BANK1: variants seen among roughly 807,000 people sequenced by gnomAD.
BANK1 encodes B cell scaffold protein with ankyrin repeats 1, also known as B-cell scaffold protein with ankyrin repeats.
Under a neutral mutation model 94.5 loss-of-function variants are expected in BANK1, and 95 were observed. The observed-to-expected ratio is 1.00, with a 90% CI of 0.85 to 1.19. BANK1 has a LOEUF of 1.19. Ranked by LOEUF, BANK1 falls within the 50% of genes most tolerant of loss-of-function variation. The pLI is 0.00. For missense variants in BANK1, 987 were observed against 932.2 expected, an observed-to-expected ratio of 1.06 and a Z score of -0.77; for synonymous variants, 334 against 308.4, an observed-to-expected ratio of 1.08 and a Z score of -0.87.
intron 7 of BANK1, among the ~76,000 whole-genome samples, chr4:101,979,861 T>C (rs1725270208): frequency 6.6e-6 from 1 of 152,022 alleles, no homozygotes; most frequent in South Asian, 2.1e-4. Context: ...TTTGCCATTT[T>C]TTATGGGAGT....
At chr4:101,964,770 T>G (rs995658364) in intron 7 of BANK1, among the ~76,000 whole-genome samples, 1 of 151,828 alleles carries the variant, frequency 6.6e-6, no homozygotes, top group African/African-American at 2.4e-5. Context: ...TTCTTTTTTA[T>G]TATTATTATT....
intron 13 of BANK1, among the ~76,000 whole-genome samples, chr4:102,065,606 G>A (rs1483246042): frequency 6.6e-6 from 1 of 151,976 alleles, no homozygotes; most frequent in African/African-American, 2.4e-5. Flanking sequence ...CTGAGATGTT[G>A]GATGTTGTTG....
chr4:101,966,838 C>T (rs1438166497), intron 7 of BANK1, among the ~76,000 whole-genome samples: 1 of 151,990 alleles, frequency 6.6e-6, no homozygotes, highest in Non-Finnish European at 1.5e-5. Context: ...GTTGGTAACA[C>T]CTGGATTTCA....
chr4:101,919,219 C>T (rs62322688), intron 7 of BANK1, among the ~76,000 whole-genome samples: 10,023 of 151,936 alleles, frequency 0.066, 567 homozygotes, highest in East Asian at 0.19. Context: ...TTTTAGTTGC[C>T]TGTCTTTAAC....
intron 7 of BANK1, among the ~76,000 whole-genome samples, chr4:102,013,202 G>A (rs1335602084): frequency 1.3e-5 from 2 of 152,066 alleles, no homozygotes; most frequent in African/African-American, 4.8e-5. Context: ...ATAGATTCGT[G>A]TATTGAGCCA....
At chr4:101,999,528 TA>T (rs1457420576) in intron 7 of BANK1, among the ~76,000 whole-genome samples, 1 of 152,242 alleles carries the variant, frequency 6.6e-6, no homozygotes, top group Non-Finnish European at 1.5e-5. Context: ...AGTTTAGATT[TA>T]TTCATTTACT....
intron 11 of BANK1, among the ~76,000 whole-genome samples, chr4:102,053,119 A>G (rs1211250825): frequency 2.0e-5 from 3 of 152,314 alleles, no homozygotes; most frequent in East Asian, 1.9e-4. Context: ...CAGTACATGG[A>G]AAGACCGAAA....
intron 1 of BANK1, among the ~76,000 whole-genome samples, chr4:101,811,007 A>T (rs576708654): frequency 6.6e-6 from 1 of 152,190 alleles, no homozygotes; most frequent in Non-Finnish European, 1.5e-5. Context: ...ATGAGGGATC[A>T]GTATCTCCAT....
chr4:101,901,497 A>G (rs10212686), intron 6 of BANK1, among the ~76,000 whole-genome samples: 139,020 of 152,252 alleles, frequency 0.91, 63,747 homozygotes, highest in Non-Finnish European at 0.95. Flanking sequence ...TCCAGAGTTT[A>G]TATCAGATAA....
intron 1 of BANK1, among the ~76,000 whole-genome samples, chr4:101,822,928 T>TATCC (rs908738848): frequency 2.0e-5 from 3 of 152,174 alleles, no homozygotes; most frequent in African/African-American, 4.8e-5. Context: ...ACATTTTCTT[T>TATCC]ATCCAGCCTA....
Position 101,870,655 on chromosome 4 carries a change from C to A in BANK1, c.903+11C>A, listed in dbSNP as rs1482945637. 4 of 1,606,176 alleles carry A rather than the reference C, an allele frequency of 2.5e-6. No homozygotes were observed. The highest frequency in any genetic ancestry group is 3.4e-6 in the Non-Finnish European group (4 of 1,176,854). On this transcript the variant is annotated intron_variant, in intron 5 of 16. Transcript: ENST00000322953. ...GAGAGTTTGTGCCAGGTAAGTTAAT[C>A]TTTCCACGAAGTTAATCATAATGTA... is the stretch of plus-strand genomic sequence containing the variant.
At chr4:101,960,085 AG>A (rs1264633741) in intron 7 of BANK1, among the ~76,000 whole-genome samples, 2 of 152,330 alleles carry the variant, frequency 1.3e-5, no homozygotes, top group East Asian at 3.9e-4. Flanking sequence ...AGGCAGATCT[AG>A]AAATAAAACC....
intron 13 of BANK1, among the ~76,000 whole-genome samples, chr4:102,064,227 A>T (rs1285788916): frequency 6.6e-6 from 1 of 152,148 alleles, no homozygotes; most frequent in African/African-American, 2.4e-5. Context: ...CATATTATAC[A>T]GTTATCTTTT....
At position 101,855,154 on chromosome 4, in the gene BANK1, C is replaced by A. The variant is rs1388835597; in HGVS notation, c.589C>A (p.Leu197Ile). 6.2e-7 allele frequency: 1 copy of A among 1,613,280 alleles called. No homozygotes were observed. Among genetic ancestry groups the A allele is most frequent in the Non-Finnish European group, 8.5e-7 (1 of 1,179,560 alleles). Residue 197 changes from leucine (L) to isoleucine (I), a missense_variant, in exon 3 of 17, where the codon CTA becomes ATA. By Grantham distance (5) the Leu-to-Ile change is conservative (BLOSUM62 2). Coordinates refer to ENST00000322953, the MANE Select transcript of BANK1 (RefSeq NM_017935.5). ...LSEASRNTIP[L>I]AVVLPTEIPC... ...AGAAGCTTCAAGAAACACCATACCA[C>A]TAGCAGTGGTGCTTCCCACTGAAAT...
chr4:102,069,853 G>A (rs903485890), intron 13 of BANK1, among the ~76,000 whole-genome samples: 1 of 152,112 alleles, frequency 6.6e-6, no homozygotes, highest in Non-Finnish European at 1.5e-5. Flanking sequence ...CTGAGTGAAA[G>A]ATAACAGATA....
At chr4:102,016,290 T>C (rs1220380415) in intron 7 of BANK1, among the ~76,000 whole-genome samples, 1 of 152,208 alleles carries the variant, frequency 6.6e-6, no homozygotes, top group South Asian at 2.1e-4. Flanking sequence ...TTATAAAATA[T>C]TGGAAGTTGG....
chr4:101,830,244 G>T lies in BANK1; in HGVS notation c.469+38G>T, dbSNP rs201603698. The T allele has an allele frequency of 2.6e-4, 338 of 1,286,278 alleles. 1 individual carries two copies. In the African/African-American group the frequency reaches 3.0e-3, roughly 11 times the overall value. 79.7% of individuals were successfully genotyped at this position (1,286,278 alleles called of 1,614,324 possible). A position where few individuals can be genotyped will look rare whatever the true frequency, so the allele number is the denominator to read the frequency against. The stretch of plus-strand genomic sequence containing the variant: ...AACCTTGTTTGTTTTATTTTTATTT[G>T]TTTTTTTTTTTTTGTAATTAAAGAA... On this transcript the variant is annotated intron_variant, in intron 2 of 16. Transcript: ENST00000322953.
intron 1 of BANK1, among the ~76,000 whole-genome samples, chr4:101,803,726 G>A (rs944295737): frequency 2.0e-5 from 3 of 151,860 alleles, no homozygotes; most frequent in Admixed American, 1.3e-4. Flanking sequence ...GGCCGGGCGC[G>A]GTGGCTCACG....
intron 10 of BANK1, among the ~76,000 whole-genome samples, chr4:102,037,398 G>A (rs1206021912): frequency 6.6e-6 from 1 of 152,186 alleles, no homozygotes; most frequent in Admixed American, 6.5e-5. Flanking sequence ...TGAAATCACA[G>A]GTGCATCGAA....
Sources: gnomAD v4.1 joint callset for allele counts (sites outside exome capture counted in the v4.1 genomes callset) on GRCh38, gnomAD v4.1.1 for gene constraint, MANE v1.5 for transcripts, NCBI Gene and HGNC (gene_info 2026-07-23, HGNC 2026-07-21) for gene names.